Variants in CHRM2 observed in about 807,000 individuals in gnomAD.
CHRM2 encodes the protein cholinergic receptor muscarinic 2.
A neutral mutation model predicts 25.0 loss-of-function variants in CHRM2; 8 were observed. That is an observed-to-expected ratio of 0.32 (90% CI 0.19 to 0.58). The LOEUF is 0.58. Ranked by LOEUF, CHRM2 falls within the 20% of genes least tolerant of loss-of-function variation. CHRM2 has a pLI of 0.88. For synonymous variants in CHRM2, 202 were observed against 205.7 expected (o/e 0.98, Z 0.15); for missense variants, 440 against 567.1 (o/e 0.78, Z 2.28).
chr7:136,906,317 G>A (rs571980449), intron 2 of CHRM2, among the ~76,000 whole-genome samples: 13 of 150,390 alleles, frequency 8.6e-5, no homozygotes, highest in East Asian at 5.9e-4. Context: ...GTATGTGTGC[G>A]CACACATATA....
At chr7:137,012,620 T>G (rs1384978805) in intron 3 of CHRM2, among the ~76,000 whole-genome samples, 2 of 152,022 alleles carry the variant, frequency 1.3e-5, no homozygotes, top group East Asian at 3.9e-4. Context: ...CTACCTGTTT[T>G]ACTAGCCGCA....
intron 3 of CHRM2, among the ~76,000 whole-genome samples, chr7:136,997,597 C>A (rs1005524957): frequency 6.6e-6 from 1 of 152,138 alleles, no homozygotes; most frequent in African/African-American, 2.4e-5. Flanking sequence ...GATACAGCAT[C>A]TTTGAGACTC....
intron 2 of CHRM2, chr7:136,938,467 C>T (rs36210734): frequency 6.1e-6 from 7 of 1,150,412 alleles, no homozygotes; most frequent in East Asian, 4.7e-5. Context: ...CCCCTGGATG[C>T]GCACGGCCTG....
intron 3 of CHRM2, among the ~76,000 whole-genome samples, chr7:137,007,945 T>C (rs980222926): frequency 3.3e-5 from 5 of 152,118 alleles, no homozygotes; most frequent in African/African-American, 4.8e-5. Context: ...TGATTATTGA[T>C]AACATAATCT....
At chr7:136,970,744 T>C (rs559902811) in intron 2 of CHRM2, among the ~76,000 whole-genome samples, 2 of 152,294 alleles carry the variant, frequency 1.3e-5, no homozygotes, top group South Asian at 4.1e-4. Context: ...AACTTACATG[T>C]CAATACCTTA....
chr7:137,003,797 A>G (rs1435247563), intron 3 of CHRM2, among the ~76,000 whole-genome samples: 1 of 152,014 alleles, frequency 6.6e-6, no homozygotes, highest in Non-Finnish European at 1.5e-5. Flanking sequence ...TAATCCCCAC[A>G]TGTTGTGGGA....
intron 3 of CHRM2, 149 bp downstream of exon 3, chr7:136,992,413 G>A (rs1803289595): frequency 6.6e-6 from 1 of 152,002 alleles, no homozygotes; most frequent in African/African-American, 2.4e-5. Context: ...TATTAATCTG[G>A]GTTGTCGTGT....
intron 2 of CHRM2, among the ~76,000 whole-genome samples, chr7:136,949,138 G>A (rs1460012807): frequency 3.9e-5 from 6 of 152,044 alleles, no homozygotes; most frequent in Admixed American, 3.9e-4. Flanking sequence ...TTGCAAAGAG[G>A]CCTGTAATAT....
chr7:137,003,510 A>G (rs1033922204), intron 3 of CHRM2, among the ~76,000 whole-genome samples: 1 of 147,912 alleles, frequency 6.8e-6, no homozygotes, highest in East Asian at 2.0e-4. Context: ...ACACACACAC[A>G]CACACACACA....
At chr7:136,958,448 CT>C (rs56127104) in intron 2 of CHRM2, among the ~76,000 whole-genome samples, 1,813 of 91,166 alleles carry the variant, frequency 0.02, 24 homozygotes, top group African/African-American at 0.046. Context: ...GCAGTGTCAT[CT>C]TTTTTTTTTT....
chr7:136,881,249 T>A (rs1417430087), intron 2 of CHRM2, among the ~76,000 whole-genome samples: 1 of 151,412 alleles, frequency 6.6e-6, no homozygotes, highest in Non-Finnish European at 1.5e-5. Flanking sequence ...GAATGACTTC[T>A]TTCACTTAGT....
intron 2 of CHRM2, among the ~76,000 whole-genome samples, chr7:136,950,158 C>G (rs1249295967): frequency 6.6e-6 from 1 of 152,046 alleles, no homozygotes; most frequent in East Asian, 1.9e-4. Context: ...AATATTTTCT[C>G]TCCTGTTTGT....
intron 2 of CHRM2, among the ~76,000 whole-genome samples, chr7:136,913,206 C>G (rs1797936256): frequency 6.6e-6 from 1 of 151,766 alleles, no homozygotes; most frequent in Admixed American, 6.6e-5. Context: ...CATTAATTTA[C>G]ATAATAAATG....
chr7:136,983,064 A>G (rs557095861), intron 2 of CHRM2, among the ~76,000 whole-genome samples: 3 of 152,174 alleles, frequency 2.0e-5, no homozygotes, highest in African/African-American at 7.2e-5. Context: ...TCTCCCCATC[A>G]CTTTTAGGTA....
At chr7:136,905,590 C>A (rs1287582975) in intron 2 of CHRM2, among the ~76,000 whole-genome samples, 1 of 151,682 alleles carries the variant, frequency 6.6e-6, no homozygotes, top group South Asian at 2.1e-4. Context: ...TTTAGTTTGC[C>A]TAAAAGAATT....
At chr7:136,906,982 A>C (rs527778868) in intron 2 of CHRM2, 3 of 153,664 alleles carry the variant, frequency 2.0e-5, no homozygotes, top group East Asian at 3.8e-4. Flanking sequence ...GTGATGGGAG[A>C]CAGTGACAGG....
At chr7:137,010,455 C>A (rs1277851471) in intron 3 of CHRM2, among the ~76,000 whole-genome samples, 1 of 151,796 alleles carries the variant, frequency 6.6e-6, no homozygotes, top group Non-Finnish European at 1.5e-5. Flanking sequence ...GTTATTTCAT[C>A]AACTTTTATT....
chr7:136,915,346 CT>C (rs1313025238), intron 2 of CHRM2, among the ~76,000 whole-genome samples: 2 of 151,886 alleles, frequency 1.3e-5, no homozygotes, highest in African/African-American at 2.4e-5. Flanking sequence ...CAGATTGTTA[CT>C]GCATAATTTA....
intron 2 of CHRM2, among the ~76,000 whole-genome samples, chr7:136,970,430 C>A (rs553624683): frequency 6.6e-6 from 1 of 152,156 alleles, no homozygotes; most frequent in Non-Finnish European, 1.5e-5. Flanking sequence ...TAGCTTATTA[C>A]ATTTCTTCTA....
Sources: gnomAD v4.1 joint callset for allele counts (sites outside exome capture counted in the v4.1 genomes callset) on GRCh38, gnomAD v4.1.1 for gene constraint, MANE v1.5 for transcripts, NCBI Gene and HGNC (gene_info 2026-07-23, HGNC 2026-07-21) for gene names.